The following XPNPEP3 variants were observed in gnomAD, a reference collection of about 807,000 sequenced individuals.
XPNPEP3 encodes xaa-Pro aminopeptidase 3.
In XPNPEP3, 41 loss-of-function variants were observed where a neutral mutation model predicts 60.0. The observed-to-expected ratio is 0.68, with a 90% CI of 0.53 to 0.89. The LOEUF is 0.89. XPNPEP3 is among the 40% of genes least tolerant of loss of function. The pLI is 0.00. For synonymous variants in XPNPEP3, 212 were observed against 223.2 expected (o/e 0.95, Z 0.45); for missense variants, 598 against 638.9 (o/e 0.94, Z 0.69).
chr22:40,873,866 A>G (rs2145778716), intron 2 of XPNPEP3, among the ~76,000 whole-genome samples: 1 of 152,284 alleles, frequency 6.6e-6, no homozygotes, highest in Non-Finnish European at 1.5e-5. Context: ...TACAGTGAAT[A>G]TAATATTTAA....
chr22:40,858,689 G>A (rs758904915), intron 1 of XPNPEP3, among the ~76,000 whole-genome samples: 3 of 151,884 alleles, frequency 2.0e-5, no homozygotes, highest in Non-Finnish European at 4.4e-5. Flanking sequence ...CCGCCACCAC[G>A]CCTGGCTAAT....
intron 1 of XPNPEP3, among the ~76,000 whole-genome samples, chr22:40,867,189 A>G (rs933204453): frequency 1.3e-5 from 2 of 152,200 alleles, no homozygotes; most frequent in African/African-American, 4.8e-5. Flanking sequence ...TATCATCATT[A>G]TTTTACAAAC....
rs559119877 is a variant in XPNPEP3, at chr22:40,896,524, G to C, written c.792+10009G>C. 1.4e-3 allele frequency among the ~76,000 whole-genome samples: 215 copies of C among 152,050 alleles called. 1 individual carries two copies. The highest frequency in any genetic ancestry group is 2.1e-3 in the Non-Finnish European group (141 of 67,956). ...CTACTAAAAATATAGAAAATTAGCC[G>C]GGCGTGGGACACATGCCTGTAATCC... On this transcript the variant is annotated intron_variant, in intron 4 of 9. Transcript: ENST00000357137.
intron 1 of XPNPEP3, among the ~76,000 whole-genome samples, chr22:40,867,331 C>G (rs1026251566): frequency 6.6e-6 from 1 of 152,084 alleles, no homozygotes; most frequent in African/African-American, 2.4e-5. Context: ...CTCACTAGGT[C>G]CTCTCTGTTT....
At chr22:40,914,065 G>A (rs951383970) in intron 6 of XPNPEP3, among the ~76,000 whole-genome samples, 174 bp from the exon 7 acceptor site, 12 of 151,430 alleles carry the variant, frequency 7.9e-5, no homozygotes, top group African/African-American at 2.4e-4. Flanking sequence ...TCGCTTGAAC[G>A]CGGGAAGCGG....
At chr22:40,872,448 G>A (rs367748675) in intron 2 of XPNPEP3, among the ~76,000 whole-genome samples, 104 of 151,534 alleles carry the variant, frequency 6.9e-4, no homozygotes, top group African/African-American at 2.5e-3. Flanking sequence ...TGAACTGTGA[G>A]TCTACTTTTT....
At chr22:40,924,005 C>A (rs1282702936) in intron 8 of XPNPEP3, among the ~76,000 whole-genome samples, 1 of 152,110 alleles carries the variant, frequency 6.6e-6, no homozygotes, top group Non-Finnish European at 1.5e-5. Flanking sequence ...GTCATCCTCT[C>A]TTTCCCAAGA....
At chr22:40,861,321 T>G in intron 1 of XPNPEP3, 4 of 1,614,164 alleles carry the variant, frequency 2.5e-6, no homozygotes, top group Non-Finnish European at 2.5e-6. Context: ...GGCCACACTA[T>G]TTACAAGAAA....
In XPNPEP3 at chr22:40,928,254, T is replaced by C. The variant is rs1488803169; in HGVS notation, c.*1819T>C. 6.7e-6 allele frequency: 1 copy of C among 148,228 alleles called. No homozygotes were observed. The highest frequency in any genetic ancestry group is 2.0e-4 in the East Asian group (1 of 4,966). 9.2% of individuals were successfully genotyped at this position (148,228 alleles called of 1,614,324 possible). A position where few individuals can be genotyped will look rare whatever the true frequency, so the allele number is the denominator to read the frequency against. ...GTCTCGCTCTGTCGCCTGGGCTGGA[T>C]GGAGTGCAGTGGCGTAATCTCAGCT... is the stretch of plus-strand genomic sequence containing the variant. On this transcript the variant is annotated 3_prime_UTR_variant, in exon 10 of 10. Transcript: ENST00000357137.
At chr22:40,858,117 C>CT (rs1019957763) in intron 1 of XPNPEP3, among the ~76,000 whole-genome samples, 1 of 152,134 alleles carries the variant, frequency 6.6e-6, no homozygotes, top group Non-Finnish European at 1.5e-5. Context: ...ATTTTTCAGT[C>CT]TTTTTTTGAG....
intron 4 of XPNPEP3, among the ~76,000 whole-genome samples, chr22:40,901,310 C>T (rs570513039): frequency 7.0e-6 from 1 of 143,534 alleles, no homozygotes; most frequent in Non-Finnish European, 1.5e-5. Flanking sequence ...TCTCTGCTCA[C>T]CGCAACCTCC....
chr22:40,918,055 A>T (rs1353847397), intron 7 of XPNPEP3, among the ~76,000 whole-genome samples: 2 of 151,650 alleles, frequency 1.3e-5, no homozygotes, highest in Non-Finnish European at 1.5e-5. Flanking sequence ...ACACACAAAT[A>T]AAAAAAATCA....
chr22:40,867,166 G>A (rs928234298), intron 1 of XPNPEP3, among the ~76,000 whole-genome samples: 12 of 152,188 alleles, frequency 7.9e-5, no homozygotes, highest in Non-Finnish European at 1.6e-4. Context: ...TAACTGTCAC[G>A]TGAGGTAGGC....
intron 2 of XPNPEP3, among the ~76,000 whole-genome samples, chr22:40,872,917 G>T (rs2058012058): frequency 6.6e-6 from 1 of 151,968 alleles, no homozygotes; most frequent in African/African-American, 2.4e-5. Flanking sequence ...AGAATCAGTG[G>T]AATTCCTAAT....
chr22:40,923,351 AT>A (rs1555891938), intron 8 of XPNPEP3, among the ~76,000 whole-genome samples: 1 of 151,916 alleles, frequency 6.6e-6, no homozygotes, highest in Non-Finnish European at 1.5e-5. Context: ...TCATTAGTGA[AT>A]TTTTTTTCTG....
chr22:40,859,168 G>C (rs1569010419), intron 1 of XPNPEP3, among the ~76,000 whole-genome samples: 1 of 152,152 alleles, frequency 6.6e-6, no homozygotes, highest in Non-Finnish European at 1.5e-5. Flanking sequence ...GGTATCCCTG[G>C]AACAGATTTT....
chr22:40,907,781 A>G, intron 5 of XPNPEP3, 132 bp downstream of exon 5: 2 of 884,676 alleles, frequency 2.3e-6, no homozygotes, highest in Non-Finnish European at 3.7e-6. Flanking sequence ...TTGGTTCTGA[A>G]ATATCACTGG....
rs769806045 is a variant in XPNPEP3 at position 40,909,191 on chromosome 22, C to A, written c.925C>A (p.Arg309=). ...AYPPVVAGGN[R]SNTLHYVKNN... is the part of the protein sequence containing the mutation. ...TCCACCTGTGGTGGCTGGTGGTAATCGGTCAAACACTTTGCACTATGTGAA... is the reference window on the plus strand; with the variant it reads ...TCCACCTGTGGTGGCTGGTGGTAATAGGTCAAACACTTTGCACTATGTGAA... The change falls in exon 6 of 10, where the codon CGG becomes AGG. Residue 309 remains arginine (R), a synonymous_variant. Coordinates refer to ENST00000357137, the MANE Select transcript of XPNPEP3 (RefSeq NM_022098.4). 15 of 1,614,138 alleles carry A rather than the reference C, an allele frequency of 9.3e-6. No individual in the cohort carries two copies. The highest frequency in any genetic ancestry group is 1.3e-5 in the Non-Finnish European group (15 of 1,180,024).
At chr22:40,920,165 C>G (rs1479070683) in intron 7 of XPNPEP3, among the ~76,000 whole-genome samples, 26 of 152,018 alleles carry the variant, frequency 1.7e-4, no homozygotes, top group Non-Finnish European at 2.9e-5. Flanking sequence ...GTCAGGAGTT[C>G]AAGACCAGCC....
Sources: gnomAD v4.1 joint callset for allele counts (sites outside exome capture counted in the v4.1 genomes callset) on GRCh38, gnomAD v4.1.1 for gene constraint, MANE v1.5 for transcripts, NCBI Gene and HGNC (gene_info 2026-07-23, HGNC 2026-07-21) for gene names.